SNAPIN: variants seen among roughly 807,000 people sequenced by gnomAD.
SNAPIN encodes the protein SNAP associated protein.
Under a neutral mutation model 15.9 loss-of-function variants are expected in SNAPIN, and 16 were observed. The ratio of observed to expected loss-of-function variants is 1.01; its 90% CI spans 0.68 to 1.53. The LOEUF (loss-of-function observed/expected upper bound fraction) is 1.53. Among genes scored for constraint, SNAPIN ranks in the 40% most tolerant of loss-of-function variants. The pLI, the probability that SNAPIN is intolerant of heterozygous loss-of-function variation, is 0.00. For synonymous variants in SNAPIN, 83 were observed against 76.2 expected (o/e 1.09, Z -0.46); for missense variants, 186 against 180.1 (o/e 1.03, Z -0.19).
At chr1:153,660,403 G>C (rs1017549140) in intron 3 of SNAPIN, among the ~76,000 whole-genome samples, 32 of 149,992 alleles carry the variant, frequency 2.1e-4, no homozygotes, top group Admixed American at 4.0e-4. Flanking sequence ...AATCCCAGCA[G>C]TTTGGGAGGC....
chr1:153,661,745 T>C lies in SNAPIN; in HGVS notation c.*444T>C, dbSNP rs1669171621. The C allele has an allele frequency of 1.2e-5, 2 of 160,076 alleles. No homozygotes were observed. Among genetic ancestry groups the C allele is most frequent in the Non-Finnish European group, 2.8e-5 (2 of 72,200 alleles). 9.9% of individuals were successfully genotyped at this position (160,076 alleles called of 1,614,324 possible). A position where few individuals can be genotyped will look rare whatever the true frequency, so the allele number is the denominator to read the frequency against. ...GCAGGCAAAGTCAAAGTGAATGACC[T>C]CTGTCCACCCACTTTTTTATTGCAC... On this transcript the variant is annotated 3_prime_UTR_variant, in exon 4 of 4. Coordinates refer to ENST00000368685, the MANE Select transcript of SNAPIN (RefSeq NM_012437.6).
In SNAPIN at chr1:153,661,282, CT is replaced by C. The variant is rs751976239; in HGVS notation, c.393del (p.Gly132AlafsTer8). 3.7e-6 allele frequency: 6 copies of C among 1,613,388 alleles called. No homozygotes were observed. The South Asian group carries it at 4.4e-5, about 12-fold the overall frequency. ...RAMLDSGIYPPGSPGK is the reference protein window; with the variant it reads ...RAMLDSGIYPXGSPGK Reference sequence around the variant, plus strand: ...ATGCTGGATTCGGGAATTTACCCCCCTGGCTCCCCAGGCAAATAACAGATGA... The same window carrying C: ...ATGCTGGATTCGGGAATTTACCCCCCGGCTCCCCAGGCAAATAACAGATGA... On this transcript the variant is annotated frameshift_variant, in exon 4 of 4. Transcript: ENST00000368685. LOFTEE classifies it high-confidence loss of function.
At chr1:153,660,589 G>A (rs1326950302) in intron 3 of SNAPIN, among the ~76,000 whole-genome samples, 4 of 150,994 alleles carry the variant, frequency 2.6e-5, no homozygotes, top group African/African-American at 7.3e-5. Flanking sequence ...CGGAGGTTGC[G>A]GTGAGCTGAG....
rs35844883 is a variant in SNAPIN, at chr1:153,661,560, C to CT, written c.*269dup. 4,048 of 254,132 alleles carry CT rather than the reference C, an allele frequency of 0.016. No individual in the cohort carries two copies. Among genetic ancestry groups the CT allele is most frequent in the South Asian group, 0.03 (518 of 17,328 alleles). The allele number at this position is 254,132 out of a possible 1,614,324, so 15.7% of individuals were successfully genotyped here. A position where few individuals can be genotyped will look rare whatever the true frequency, so the allele number is the denominator to read the frequency against. ...TTTCACAAATGAGCTGAGGCCTCTA[C>CT]TTTTTTTTTTAAGCTGCATACGTGA... is the stretch of plus-strand genomic sequence containing the variant. On this transcript the variant is annotated 3_prime_UTR_variant, in exon 4 of 4. Transcript: ENST00000368685.
In SNAPIN at chr1:153,658,895, G is replaced by A; in HGVS notation, c.143+9G>A. ...CACGTACACGCCGTCAGGTGCCCGG[G>A]AGGGAAGTTGGGGGCGGGGCCTGTC... is the stretch of plus-strand genomic sequence containing the variant. On this transcript the variant is annotated intron_variant, in intron 1 of 3. Transcript: ENST00000368685. 2 of 1,609,760 alleles carry A rather than the reference G, an allele frequency of 1.2e-6. No individual in the cohort carries two copies. The highest frequency in any genetic ancestry group is 1.7e-6 in the Non-Finnish European group (2 of 1,179,226).
chr1:153,659,574 A>G lies in SNAPIN; in HGVS notation c.309+8A>G, dbSNP rs758827828. ...ATTCTACAGAATGCTCAGGTAAAAG[A>G]ATATCTTACCAACAGTGATTCTTTG... On this transcript the variant is annotated splice_region_variant and intron_variant, in intron 3 of 3. Coordinates refer to ENST00000368685, the MANE Select transcript of SNAPIN (RefSeq NM_012437.6). The G allele has an allele frequency of 3.2e-6, 5 of 1,580,200 alleles. No individual in the cohort carries two copies. The highest frequency in any genetic ancestry group is 4.4e-6 in the Non-Finnish European group (5 of 1,149,082).
intron 3 of SNAPIN, among the ~76,000 whole-genome samples, chr1:153,660,456 C>T (rs1669120917): frequency 6.6e-6 from 1 of 151,624 alleles, no homozygotes; most frequent in Non-Finnish European, 1.5e-5. Flanking sequence ...GGAGACCAGC[C>T]TGACCAACAT....
At chr1:153,658,918 G>C in intron 1 of SNAPIN, 32 bp downstream of exon 1, 1 of 1,607,614 alleles carries the variant, frequency 6.2e-7, no homozygotes, top group African/African-American at 1.3e-5. Flanking sequence ...GGCGGGGCCT[G>C]TCTCTCTGGC....
intron 3 of SNAPIN, 51 bp from the exon 4 acceptor site, chr1:153,661,149 C>T: frequency 1.3e-6 from 2 of 1,483,558 alleles, no homozygotes; most frequent in Non-Finnish European, 1.9e-6. Flanking sequence ...TTCACTTACA[C>T]TCTCAAGCCT....
At chr1:153,659,009 G>C in intron 1 of SNAPIN, 123 bp downstream of exon 1, 1 of 1,560,206 alleles carries the variant, frequency 6.4e-7, no homozygotes, top group East Asian at 2.3e-5. Flanking sequence ...GGGGAGGACA[G>C]GCGGGAAGGC....
At position 153,661,391 on chromosome 1, in the gene SNAPIN, A is replaced by G. The variant is rs1026495765; in HGVS notation, c.*90A>G. The G allele has an allele frequency of 5.2e-5, 50 of 968,724 alleles. No homozygotes were observed. Among genetic ancestry groups the G allele is most frequent in the Non-Finnish European group, 6.9e-5 (43 of 623,976 alleles). The allele number at this position is 968,724 out of a possible 1,614,324, so 60.0% of individuals were successfully genotyped here. On this transcript the variant is annotated 3_prime_UTR_variant, in exon 4 of 4. Transcript: ENST00000368685. Reference sequence around the variant, plus strand: ...GCAAAGATCCTAGGAGACAGTCCCCATAGACCTTCAGACATTAAAAAGGGA... The same window carrying G: ...GCAAAGATCCTAGGAGACAGTCCCCGTAGACCTTCAGACATTAAAAAGGGA...
At chr1:153,661,074 T>A (rs1458672394) in intron 3 of SNAPIN, 126 bp from the exon 4 acceptor site, 1 of 671,748 alleles carries the variant, frequency 1.5e-6, no homozygotes, top group Non-Finnish European at 2.6e-6. Context: ...CCGGCCTACA[T>A]TCTTATATAT....
rs1669162679 is a variant in SNAPIN at position 153,661,512 on chromosome 1, C to G, written c.*211C>G. On this transcript the variant is annotated 3_prime_UTR_variant, in exon 4 of 4. Transcript: ENST00000368685. ...CAGAATGAGGTTCCCAAAGGACTTA[C>G]ATTAATTATGGCTCTTGCTTCCTTT... 2 of 387,858 alleles carry G rather than the reference C, an allele frequency of 5.2e-6. No individual in the cohort carries two copies. The highest frequency in any genetic ancestry group is 3.6e-5 in the Admixed American group (1 of 27,518). The allele number at this position is 387,858 out of a possible 1,614,324, so 24.0% of individuals were successfully genotyped here.
At chr1:153,658,961 C>T (rs1669083020) in intron 1 of SNAPIN, 75 bp downstream of exon 1, 2 of 1,597,864 alleles carry the variant, frequency 1.3e-6, no homozygotes, top group South Asian at 1.1e-5. Context: ...AGTGTTCTGG[C>T]TGGGAGTGGG....
Position 153,658,835 on chromosome 1 carries a change from A to G in SNAPIN, c.92A>G (p.Glu31Gly). ...GRDLFAEGLLEFLRPAVQQLD... is the reference protein window; with the variant it reads ...GRDLFAEGLLGFLRPAVQQLD... ...GACCTTTTCGCCGAAGGGCTGCTGG[A>G]GTTCCTGCGACCCGCTGTGCAGCAG... Residue 31 changes from glutamate (E) to glycine (G), a missense_variant, in exon 1 of 4, where the codon GAG (glutamate) becomes GGG (glycine). Coordinates refer to ENST00000368685, the MANE Select transcript of SNAPIN (RefSeq NM_012437.6). 6.2e-7 allele frequency: 1 copy of G among 1,601,012 alleles called. No individual in the cohort carries two copies. The highest frequency in any genetic ancestry group is 8.5e-7 in the Non-Finnish European group (1 of 1,176,942).
chr1:153,661,141 C>A, intron 3 of SNAPIN, 59 bp from the exon 4 acceptor site: 1 of 1,386,388 alleles, frequency 7.2e-7, no homozygotes, highest in South Asian at 1.2e-5. Flanking sequence ...GCACCTAGTT[C>A]ACTTACACTC....
chr1:153,658,819 G>T lies in SNAPIN; in HGVS notation c.76G>T (p.Ala26Ser). The stretch of plus-strand genomic sequence containing the variant: ...GGGGCCCACAGGCCGCGACCTTTTC[G>T]CCGAAGGGCTGCTGGAGTTCCTGCG... ...VAGPTGRDLFAEGLLEFLRPA... is the reference protein window; with the variant it reads ...VAGPTGRDLFSEGLLEFLRPA... Residue 26 changes from alanine (A) to serine (S), a missense_variant, in exon 1 of 4, where the codon GCC becomes TCC. Ala to Ser is a moderately conservative substitution (Grantham distance 99). Coordinates refer to ENST00000368685, the MANE Select transcript of SNAPIN (RefSeq NM_012437.6). The T allele has an allele frequency of 1.3e-6, 2 of 1,595,426 alleles. No homozygotes were observed. The highest frequency in any genetic ancestry group is 2.7e-5 in the African/African-American group (2 of 73,714).
In SNAPIN at chr1:153,661,833, T is replaced by C. The variant is rs1669176105; in HGVS notation, c.*532T>C. The C allele has an allele frequency of 6.4e-6, 1 of 155,262 alleles. No individual in the cohort carries two copies. The highest frequency in any genetic ancestry group is 1.4e-5 in the Non-Finnish European group (1 of 69,996). The allele number at this position is 155,262 out of a possible 1,614,324, so 9.6% of individuals were successfully genotyped here. A position where few individuals can be genotyped will look rare whatever the true frequency, so the allele number is the denominator to read the frequency against. ...TATTCAATAAATACTTAAAATGATATTCTAGTTTACTCTGGTATATGGAAA... is the reference window on the plus strand; with the variant it reads ...TATTCAATAAATACTTAAAATGATACTCTAGTTTACTCTGGTATATGGAAA... On this transcript the variant is annotated 3_prime_UTR_variant, in exon 4 of 4. Coordinates refer to ENST00000368685, the MANE Select transcript of SNAPIN (RefSeq NM_012437.6).
chr1:153,659,412 C>T, intron 2 of SNAPIN, 36 bp from the exon 3 acceptor site: 1 of 1,521,672 alleles, frequency 6.6e-7, no homozygotes, highest in South Asian at 1.1e-5. Context: ...AGAGATAAGC[C>T]GTTAGATCTT....
Sources: allele counts gnomAD v4.1 joint callset (sites outside exome capture counted in the v4.1 genomes callset), GRCh38; gene constraint gnomAD v4.1.1; transcripts MANE v1.5; gene names NCBI Gene and HGNC (gene_info 2026-07-23, HGNC 2026-07-21).